The following RANBP17 variants were observed in gnomAD, a reference collection of about 807,000 sequenced individuals.
RANBP17 encodes the protein ran-binding protein 17.
RANBP17 carries 158 observed loss-of-function variants against 141.2 expected under a neutral mutation model. That is an observed-to-expected ratio of 1.12 (90% confidence interval 0.98 to 1.28). The LOEUF (loss-of-function observed/expected upper bound fraction) is 1.28. Among genes scored for constraint, RANBP17 ranks in the 50% most tolerant of loss-of-function variants. The pLI is 0.00. For synonymous variants in RANBP17, 430 were observed against 450.0 expected (o/e 0.96, Z 0.56); for missense variants, 1,438 against 1,290.7 (o/e 1.11, Z -1.75).
At chr5:171,214,912 G>A (rs1459415324) in intron 21 of RANBP17, among the ~76,000 whole-genome samples, 4 of 151,728 alleles carry the variant, frequency 2.6e-5, no homozygotes, top group African/African-American at 9.7e-5. Context: ...TTTAAGTTCT[G>A]GGATACATGT....
At chr5:170,969,867 A>G (rs555187627) in intron 14 of RANBP17, among the ~76,000 whole-genome samples, 1 of 152,024 alleles carries the variant, frequency 6.6e-6, no homozygotes, top group Non-Finnish European at 1.5e-5. Flanking sequence ...TAACTTTAAC[A>G]TTGTTGGTGT....
intron 14 of RANBP17, among the ~76,000 whole-genome samples, chr5:171,153,685 C>T (rs1758647374): frequency 6.6e-6 from 1 of 152,086 alleles, no homozygotes; most frequent in Non-Finnish European, 1.5e-5. Context: ...AAGATAGGAC[C>T]AAGAGTTGCA....
At chr5:171,007,793 T>G (rs1779755980) in intron 14 of RANBP17, among the ~76,000 whole-genome samples, 1 of 152,014 alleles carries the variant, frequency 6.6e-6, no homozygotes, top group Non-Finnish European at 1.5e-5. Flanking sequence ...GATGCTTAGA[T>G]TTTAGGTCAG....
intron 14 of RANBP17, among the ~76,000 whole-genome samples, chr5:171,074,454 A>C (rs1014451853): frequency 6.6e-6 from 1 of 152,180 alleles, no homozygotes. Flanking sequence ...AATACACATA[A>C]AGTCTGTAAT....
chr5:170,989,392 A>C (rs1778356775), intron 14 of RANBP17, among the ~76,000 whole-genome samples: 3 of 151,822 alleles, frequency 2.0e-5, no homozygotes, highest in Admixed American at 2.0e-4. Context: ...ACAAGTTTGT[A>C]ATCGAAATAT....
At chr5:171,023,893 G>A (rs1379938320) in intron 14 of RANBP17, among the ~76,000 whole-genome samples, 3 of 152,110 alleles carry the variant, frequency 2.0e-5, no homozygotes, top group Non-Finnish European at 4.4e-5. Flanking sequence ...CTGGCTGTTT[G>A]CTCTTGGATC....
At chr5:171,267,884 C>T (rs551463721) in intron 25 of RANBP17, among the ~76,000 whole-genome samples, 1 of 152,174 alleles carries the variant, frequency 6.6e-6, no homozygotes, top group South Asian at 2.1e-4. Flanking sequence ...AAAGAAGGTT[C>T]CTTCCTGGCT....
At chr5:171,290,470 G>A (rs1407666651) in intron 25 of RANBP17, among the ~76,000 whole-genome samples, 1 of 152,172 alleles carries the variant, frequency 6.6e-6, no homozygotes, top group Non-Finnish European at 1.5e-5. Flanking sequence ...CCATGTTAGG[G>A]TAGAAGAATA....
chr5:170,991,170 T>C (rs1214210267), intron 14 of RANBP17, among the ~76,000 whole-genome samples: 2 of 151,932 alleles, frequency 1.3e-5, no homozygotes, highest in African/African-American at 4.8e-5. Flanking sequence ...GAGATGAAAA[T>C]TATTAAGTAG....
chr5:170,867,979 A>G (rs1274102873), intron 1 of RANBP17, among the ~76,000 whole-genome samples: 3 of 152,086 alleles, frequency 2.0e-5, no homozygotes, highest in Admixed American at 6.5e-5. Flanking sequence ...TAAGAACCAT[A>G]CAATATACAC....
chr5:170,892,347 C>A, intron 3 of RANBP17, 40 bp from the exon 4 acceptor site: 1 of 907,026 alleles, frequency 1.1e-6, no homozygotes, highest in Non-Finnish European at 1.4e-6. Flanking sequence ...TATGTTGTTT[C>A]TGAAAAGTCC....
chr5:171,266,738 C>A (rs929239506), intron 25 of RANBP17, among the ~76,000 whole-genome samples: 1 of 151,926 alleles, frequency 6.6e-6, no homozygotes, highest in Non-Finnish European at 1.5e-5. Context: ...ATGGTCAAAC[C>A]CCATCTCTAC....
chr5:171,175,055 G>C (rs1760355996), intron 16 of RANBP17, among the ~76,000 whole-genome samples: 1 of 151,996 alleles, frequency 6.6e-6, no homozygotes, highest in Non-Finnish European at 1.5e-5. Flanking sequence ...GTGGTGTTTG[G>C]TTTTCTGTCC....
chr5:171,201,390 C>T (rs529674636), intron 19 of RANBP17, among the ~76,000 whole-genome samples: 37 of 152,300 alleles, frequency 2.4e-4, no homozygotes, highest in Admixed American at 2.2e-3. Context: ...TCAATAGCAA[C>T]GTAATGATAG....
At chr5:171,024,282 G>A (rs1419198436) in intron 14 of RANBP17, among the ~76,000 whole-genome samples, 1 of 152,118 alleles carries the variant, frequency 6.6e-6, no homozygotes, top group African/African-American at 2.4e-5. Flanking sequence ...AATTGCTGAG[G>A]TGGTAATATT....
At chr5:171,292,891 T>C (rs1268986168) in intron 25 of RANBP17, among the ~76,000 whole-genome samples, 1 of 152,144 alleles carries the variant, frequency 6.6e-6, no homozygotes, top group Non-Finnish European at 1.5e-5. Flanking sequence ...AACATATCAC[T>C]AGCTCCCCAC....
At chr5:171,007,712 G>A (rs1779748919) in intron 14 of RANBP17, among the ~76,000 whole-genome samples, 1 of 152,132 alleles carries the variant, frequency 6.6e-6, no homozygotes, top group South Asian at 2.1e-4. Flanking sequence ...AATCAAAAGT[G>A]CCGTTTTCTG....
chr5:170,876,383 C>T (rs1768181099), intron 1 of RANBP17, among the ~76,000 whole-genome samples: 1 of 151,868 alleles, frequency 6.6e-6, no homozygotes, highest in African/African-American at 2.4e-5. Flanking sequence ...ATCTTGACCC[C>T]CTATTTTTGT....
At chr5:170,893,295 A>C (rs1279406016) in intron 4 of RANBP17, among the ~76,000 whole-genome samples, 1 of 152,122 alleles carries the variant, frequency 6.6e-6, no homozygotes, top group East Asian at 1.9e-4. Context: ...AGAAAACATT[A>C]AACTAAATCA....
Sources: gnomAD v4.1 joint callset for allele counts (sites outside exome capture counted in the v4.1 genomes callset) on GRCh38, gnomAD v4.1.1 for gene constraint, MANE v1.5 for transcripts, NCBI Gene and HGNC (gene_info 2026-07-23, HGNC 2026-07-21) for gene names.